Variants in KHDC4 observed in about 807,000 individuals in gnomAD.
KHDC4 encodes the protein KH homology domain-containing protein 4.
Under a neutral mutation model 74.5 loss-of-function variants are expected in KHDC4, and 19 were observed. The ratio of observed to expected loss-of-function variants is 0.26; its 90% CI spans 0.18 to 0.37. The LOEUF is 0.37. KHDC4 is among the 10% of genes least tolerant of loss of function. KHDC4 has a pLI of 1.00. For missense variants in KHDC4, 632 were observed against 754.1 expected (o/e 0.84, Z 1.90); for synonymous variants, 253 against 266.1 (o/e 0.95, Z 0.48).
At position 155,913,831 on chromosome 1, in the gene KHDC4, G is replaced by T; in HGVS notation, c.*290C>A. The stretch of plus-strand genomic sequence containing the variant: ...GGCTGACCAGGTCAAATGTGTATGG[G>T]AACGACCCTGTTAGGATGCTTTGTT... On this transcript the variant is annotated 3_prime_UTR_variant, in exon 14 of 14. Coordinates refer to ENST00000368321, the MANE Select transcript of KHDC4 (RefSeq NM_014949.4). The T allele has an allele frequency of 2.6e-6, 1 of 383,392 alleles. No individual in the cohort carries two copies. Among genetic ancestry groups the T allele is most frequent in the Non-Finnish European group, 4.8e-6 (1 of 208,032 alleles). 23.7% of individuals were successfully genotyped at this position (383,392 alleles called of 1,614,324 possible).
In KHDC4 at chr1:155,925,686, C is replaced by A. The variant is rs1221523971; in HGVS notation, c.839G>T (p.Cys280Phe). 24 of 1,614,078 alleles carry A rather than the reference C, an allele frequency of 1.5e-5. No individual in the cohort carries two copies. Among genetic ancestry groups the A allele is most frequent in the Non-Finnish European group, 2.0e-5 (24 of 1,180,046 alleles). The part of the protein sequence containing the change: ...KVFLRGKGSG[C>F]IEPASGREAF... ...TTCTCGGCCAGATGCTGGCTCAATGCAGCCTGAACCTTTGCCCCGCAGGAA... is the reference window on the plus strand; with the variant it reads ...TTCTCGGCCAGATGCTGGCTCAATGAAGCCTGAACCTTTGCCCCGCAGGAA... The change falls in exon 7 of 14, where the codon TGC (cysteine) becomes TTC (phenylalanine). Residue 280 changes from cysteine to phenylalanine, a missense_variant. Coordinates refer to ENST00000368321, the MANE Select transcript of KHDC4 (RefSeq NM_014949.4).
chr1:155,915,843 C>T (rs767033181), intron 13 of KHDC4, 30 bp downstream of exon 13: 4 of 1,410,872 alleles, frequency 2.8e-6, no homozygotes, highest in Middle Eastern at 1.8e-4. Context: ...CTTAGCCACT[C>T]CCCTGTTCCC....
At chr1:155,931,595 TTGTATTTTC>T (rs1325984318) in intron 2 of KHDC4, among the ~76,000 whole-genome samples, 1 of 152,176 alleles carries the variant, frequency 6.6e-6, no homozygotes, top group Non-Finnish European at 1.5e-5. Flanking sequence ...CTAATTGTTT[TTGTATTTTC>T]TGTAGAGACA....
Position 155,913,964 on chromosome 1 carries a change from T to C in KHDC4, c.*157A>G, listed in dbSNP as rs1402008774. ...CTGCAGAAATAAGGATTTTTGTGGT[T>C]GTTAAGGAACCCCTTTAAGAAAGGG... On this transcript the variant is annotated 3_prime_UTR_variant, in exon 14 of 14. Transcript: ENST00000368321. 7 of 618,740 alleles carry C rather than the reference T, an allele frequency of 1.1e-5. No homozygotes were observed. In the East Asian group the frequency reaches 1.6e-4, roughly 15 times the overall value. 38.3% of individuals were successfully genotyped at this position (618,740 alleles called of 1,614,324 possible).
At chr1:155,930,112 C>T (rs914584202) in intron 2 of KHDC4, among the ~76,000 whole-genome samples, 7 of 152,096 alleles carry the variant, frequency 4.6e-5, no homozygotes, top group African/African-American at 7.2e-5. Flanking sequence ...GGGGTTTCAC[C>T]GTGTTGGCCA....
chr1:155,921,308 T>G, intron 10 of KHDC4, 67 bp downstream of exon 10: 1 of 1,543,978 alleles, frequency 6.5e-7, no homozygotes. Flanking sequence ...GGAATACCAC[T>G]ACTTCCCCTC....
intron 10 of KHDC4, among the ~76,000 whole-genome samples, chr1:155,917,970 C>T (rs1174957958): frequency 2.6e-5 from 4 of 152,190 alleles, no homozygotes; most frequent in Non-Finnish European, 1.5e-5. Context: ...ACTCCAACCA[C>T]TGACAGTCGA....
At chr1:155,929,141 G>C (rs1674089880) in intron 4 of KHDC4, among the ~76,000 whole-genome samples, 155 bp downstream of exon 4, 2 of 152,244 alleles carry the variant, frequency 1.3e-5, no homozygotes, top group South Asian at 4.1e-4. Context: ...TCTTGTATCT[G>C]TTTGATATCC....
In KHDC4 at chr1:155,934,410, G is replaced by C; in HGVS notation, c.-37C>G. On this transcript the variant is annotated 5_prime_UTR_variant, in exon 1 of 14. Coordinates refer to ENST00000368321, the MANE Select transcript of KHDC4 (RefSeq NM_014949.4). ...CTACTCAACCACCCGCCAACTATCC[G>C]ACTACCACCTCTCGTCACTTCCGCC... 1.2e-6 allele frequency: 2 copies of C among 1,607,702 alleles called. No homozygotes were observed. Among genetic ancestry groups the C allele is most frequent in the Non-Finnish European group, 1.7e-6 (2 of 1,177,016 alleles).
rs754149004 is a variant in KHDC4 at position 155,914,247 on chromosome 1, A to G, written c.1719T>C (p.Asp573=). ...GLVAYAADSS[D]EEEEHGGHKN... ...TATGACCTCCATGTTCCTCCTCTTC[A>G]TCAGATGAATCTGCAGCATAAGCCA... is the stretch of plus-strand genomic sequence containing the variant. Residue 573 remains aspartate (D), a synonymous_variant, in exon 14 of 14, where the codon GAT becomes GAC. Transcript: ENST00000368321. 1.9e-6 allele frequency: 3 copies of G among 1,613,970 alleles called. No homozygotes were observed. The highest frequency in any genetic ancestry group is 2.7e-5 in the African/African-American group (2 of 74,880).
At chr1:155,927,722 G>A (rs1674036044) in intron 4 of KHDC4, among the ~76,000 whole-genome samples, 1 of 139,858 alleles carries the variant, frequency 7.2e-6, no homozygotes, top group South Asian at 2.3e-4. Context: ...AGAATCACTT[G>A]AACCCAGGAG....
At position 155,917,493 on chromosome 1, in the gene KHDC4, T is replaced by A; in HGVS notation, c.1440+6A>T. ...GAAGATAGGAAAACAGGGTATTTTA[T>A]TTAACCTGGTATCCAAGCAGTCCAG... is the stretch of plus-strand genomic sequence containing the variant. On this transcript the variant is annotated splice_donor_region_variant and intron_variant, in intron 11 of 13. Transcript: ENST00000368321. The A allele has an allele frequency of 6.2e-7, 1 of 1,608,030 alleles. No homozygotes were observed.
At chr1:155,934,250 T>C in intron 1 of KHDC4, 86 bp downstream of exon 1, 1 of 1,399,528 alleles carries the variant, frequency 7.1e-7, no homozygotes, top group Admixed American at 1.8e-5. Context: ...TAAGGACCCT[T>C]CCACCCTATA....
chr1:155,931,290 CAAA>C (rs55769714), intron 2 of KHDC4, among the ~76,000 whole-genome samples: 3 of 109,634 alleles, frequency 2.7e-5, no homozygotes, highest in African/African-American at 3.6e-5. Flanking sequence ...ACTCTATCAC[CAAA>C]AAAAAAAAAA....
intron 4 of KHDC4, among the ~76,000 whole-genome samples, chr1:155,927,803 C>CAAAAAAA (rs1157393289): frequency 1.2e-4 from 1 of 8,148 alleles, no homozygotes; most frequent in African/African-American, 5.8e-4. Flanking sequence ...ACTCTGTCTC[C>CAAAAAAA]AAAAAAAAAA....
chr1:155,918,076 C>A (rs1379904593), intron 10 of KHDC4, among the ~76,000 whole-genome samples: 1 of 152,122 alleles, frequency 6.6e-6, no homozygotes, highest in Non-Finnish European at 1.5e-5. Flanking sequence ...TTAGTTATCA[C>A]TAAGCTACTA....
chr1:155,914,957 A>G (rs1673700383), intron 13 of KHDC4: 1 of 152,408 alleles, frequency 6.6e-6, no homozygotes, highest in East Asian at 1.9e-4. Flanking sequence ...GATGCTATGT[A>G]TAAAATAAGT....
rs34107786 is a variant in KHDC4, at chr1:155,922,066, ATT to A, written c.955-150_955-149del. 3,152 of 370,524 alleles carry A rather than the reference ATT, an allele frequency of 8.5e-3. 3 individuals are homozygous for A. The highest frequency in any genetic ancestry group is 0.012 in the South Asian group (358 of 31,088). The allele number at this position is 370,524 out of a possible 1,614,324, so 23.0% of individuals were successfully genotyped here. ...TCAAATTTAAACTTGTTTAACCCAC[ATT>A]TTTTTTTTTTTTTGAGACAGTCTTG... On this transcript the variant is annotated intron_variant, in intron 8 of 13. Coordinates refer to ENST00000368321, the MANE Select transcript of KHDC4 (RefSeq NM_014949.4).
intron 4 of KHDC4, 54 bp downstream of exon 4, chr1:155,929,242 C>T: frequency 8.1e-7 from 1 of 1,235,996 alleles, no homozygotes; most frequent in Non-Finnish European, 1.2e-6. Context: ...AAACATGAGG[C>T]TAACGTGAGT....
Sources: gnomAD v4.1 joint callset for allele counts (sites outside exome capture counted in the v4.1 genomes callset) on GRCh38, gnomAD v4.1.1 for gene constraint, MANE v1.5 for transcripts, NCBI Gene and HGNC (gene_info 2026-07-23, HGNC 2026-07-21) for gene names.